The following ST18 variants were observed in gnomAD, a reference collection of about 807,000 sequenced individuals.
ST18 encodes suppression of tumorigenicity 18 protein.
ST18 carries 50 observed loss-of-function variants against 110.0 expected under a neutral mutation model. The observed-to-expected ratio is 0.45, with a 90% CI of 0.36 to 0.58. The LOEUF is 0.58. Ranked by LOEUF, ST18 falls within the 20% of genes least tolerant of loss-of-function variation. The pLI, the probability that ST18 is intolerant of heterozygous loss-of-function variation, is 0.00. For missense variants in ST18, 1,306 were observed against 1,280.1 expected (o/e 1.02, Z -0.31); for synonymous variants, 461 against 452.4 (o/e 1.02, Z -0.24).
intron 3 of ST18, among the ~76,000 whole-genome samples, chr8:52,227,914 C>T (rs1206583609): frequency 6.6e-6 from 1 of 152,084 alleles, no homozygotes; most frequent in Non-Finnish European, 1.5e-5. Flanking sequence ...CCTTTTGATG[C>T]AACATAATTT....
intron 2 of ST18, among the ~76,000 whole-genome samples, chr8:52,399,490 C>T (rs1216330259): frequency 1.4e-5 from 2 of 144,860 alleles, no homozygotes; most frequent in African/African-American, 5.0e-5. Flanking sequence ...AGTTGTTACT[C>T]TTTTTTTTTT....
intron 8 of ST18, among the ~76,000 whole-genome samples, chr8:52,187,345 A>G (rs1215046797): frequency 1.3e-5 from 2 of 152,230 alleles, no homozygotes; most frequent in African/African-American, 2.4e-5. Flanking sequence ...TGTCAAATAT[A>G]AAACAGCCAT....
At chr8:52,169,193 C>T (rs557746165) in intron 10 of ST18, among the ~76,000 whole-genome samples, 2 of 152,280 alleles carry the variant, frequency 1.3e-5, no homozygotes, top group African/African-American at 2.4e-5. Flanking sequence ...AGAGCAGAAC[C>T]TGTTTGCATG....
At chr8:52,120,990 G>T (rs2044529954) in intron 23 of ST18, among the ~76,000 whole-genome samples, 1 of 152,194 alleles carries the variant, frequency 6.6e-6, no homozygotes, top group Non-Finnish European at 1.5e-5. Flanking sequence ...GCCAGAGCAG[G>T]TGGGTAACTG....
chr8:52,180,321 AT>A lies in ST18; in HGVS notation c.87-10del, dbSNP rs771954962. 6 of 1,613,076 alleles carry A rather than the reference AT, an allele frequency of 3.7e-6. No homozygotes were observed. Among genetic ancestry groups the A allele is most frequent in the Non-Finnish European group, 1.7e-6 (2 of 1,179,372 alleles). ...AGCAATCATAGGCAACACTGTAGTG[AT>A]TGAGGAAAATTAAGAATATGGTAAA... On this transcript the variant is annotated splice_polypyrimidine_tract_variant and intron_variant, in intron 8 of 25. Coordinates refer to ENST00000689386, the MANE Select transcript of ST18 (RefSeq NM_001352837.2).
At chr8:52,346,163 TA>T (rs1372321641) in intron 2 of ST18, among the ~76,000 whole-genome samples, 13 of 151,224 alleles carry the variant, frequency 8.6e-5, no homozygotes, top group East Asian at 5.8e-4. Context: ...ATGTAAAATT[TA>T]TTTTATTTTA....
chr8:52,176,166 C>A (rs540973173), intron 9 of ST18, among the ~76,000 whole-genome samples: 15 of 151,968 alleles, frequency 9.9e-5, no homozygotes, highest in Non-Finnish European at 2.2e-4. Flanking sequence ...GGATTACAAG[C>A]AAACACCACC....
At chr8:52,375,508 C>A (rs1410537512) in intron 2 of ST18, among the ~76,000 whole-genome samples, 1 of 152,148 alleles carries the variant, frequency 6.6e-6, no homozygotes, top group Non-Finnish European at 1.5e-5. Context: ...GCTTTCAGGA[C>A]AACACACTCT....
chr8:52,256,829 A>T (rs559979484), intron 2 of ST18, among the ~76,000 whole-genome samples: 15 of 152,340 alleles, frequency 9.8e-5, no homozygotes, highest in East Asian at 1.9e-4. Flanking sequence ...TATTTAAAAT[A>T]TATAATTAAA....
rs1468939546 is a variant in ST18 at position 52,382,019 on chromosome 8, A to G, written c.-465+27309T>C. ...AAGTTACAGATTTACCACAGGCCACAGAAAACCCTCTCTAGGAAAACTTAT... is the reference window on the plus strand; with the variant it reads ...AAGTTACAGATTTACCACAGGCCACGGAAAACCCTCTCTAGGAAAACTTAT... On this transcript the variant is annotated intron_variant, in intron 2 of 25. Coordinates refer to ENST00000689386, the MANE Select transcript of ST18 (RefSeq NM_001352837.2). Among the ~76,000 whole-genome samples the G allele has an allele frequency of 3.3e-5, 5 of 151,992 alleles. No homozygotes were observed. In the South Asian group the frequency reaches 1.0e-3, roughly 32 times the overall value.
chr8:52,162,929 T>C (rs975021363), intron 13 of ST18, among the ~76,000 whole-genome samples: 1 of 152,212 alleles, frequency 6.6e-6, no homozygotes, highest in Non-Finnish European at 1.5e-5. Flanking sequence ...TATATAAAAA[T>C]ATCTGAGCAA....
At chr8:52,348,396 A>G (rs192953617) in intron 2 of ST18, among the ~76,000 whole-genome samples, 208 of 152,358 alleles carry the variant, frequency 1.4e-3, no homozygotes, top group East Asian at 6.8e-3. Context: ...AACAGCAGAC[A>G]TGCCCCACCA....
intron 2 of ST18, among the ~76,000 whole-genome samples, chr8:52,379,606 G>GA (rs898266153): frequency 1.3e-5 from 2 of 150,030 alleles, no homozygotes; most frequent in Non-Finnish European, 3.0e-5. Flanking sequence ...GGTAAATATT[G>GA]AAAAAAAATT....
intron 17 of ST18, among the ~76,000 whole-genome samples, chr8:52,141,905 G>T (rs1396811859): frequency 2.6e-5 from 4 of 152,208 alleles, no homozygotes; most frequent in African/African-American, 9.6e-5. Flanking sequence ...ATAGCAGGAA[G>T]AAAGGGTCCC....
At chr8:52,133,420 C>T (rs992906513) in intron 19 of ST18, 119 bp from the exon 20 acceptor site, 13 of 1,205,220 alleles carry the variant, frequency 1.1e-5, no homozygotes, top group South Asian at 5.1e-5. Context: ...CTGTAGTTCA[C>T]GTGGAGGGAG....
chr8:52,114,771 G>C (rs1402323946), intron 25 of ST18, among the ~76,000 whole-genome samples: 1 of 152,134 alleles, frequency 6.6e-6, no homozygotes, highest in Non-Finnish European at 1.5e-5. Flanking sequence ...AATTAAGTAA[G>C]CTCTCCGAGC....
At chr8:52,408,559 T>C (rs1004220773) in intron 2 of ST18, among the ~76,000 whole-genome samples, 1 of 152,228 alleles carries the variant, frequency 6.6e-6, no homozygotes, top group Non-Finnish European at 1.5e-5. Flanking sequence ...TATGTGTATA[T>C]ATTGTACCAA....
intron 2 of ST18, among the ~76,000 whole-genome samples, chr8:52,251,673 T>C (rs544257921): frequency 6.6e-6 from 1 of 152,118 alleles, no homozygotes; most frequent in African/African-American, 2.4e-5. Flanking sequence ...TTCACCTATA[T>C]GCATTATGAG....
At chr8:52,122,773 A>G (rs1563514561) in intron 23 of ST18, among the ~76,000 whole-genome samples, 1 of 152,154 alleles carries the variant, frequency 6.6e-6, no homozygotes, top group African/African-American at 2.4e-5. Flanking sequence ...GGCATGAGCC[A>G]CCGTGCCCGG....
Sources: gnomAD v4.1 joint callset for allele counts (sites outside exome capture counted in the v4.1 genomes callset) on GRCh38, gnomAD v4.1.1 for gene constraint, MANE v1.5 for transcripts, NCBI Gene and HGNC (gene_info 2026-07-23, HGNC 2026-07-21) for gene names.